Variants in AKT3 observed in about 807,000 individuals in gnomAD.
The protein encoded by AKT3 is AKT serine/threonine kinase 3.
Under a neutral mutation model 65.3 loss-of-function variants are expected in AKT3, and 15 were observed. That is an observed-to-expected ratio of 0.23 (90% CI 0.15 to 0.35). AKT3 has a LOEUF of 0.35. AKT3 is among the 10% of genes least tolerant of loss of function. The pLI is 1.00. For missense variants in AKT3, 243 were observed against 576.5 expected (o/e 0.42, Z 5.92); for synonymous variants, 206 against 183.8 (o/e 1.12, Z -0.98).
At chr1:243,618,885 AGAG>A (rs34386150) in intron 6 of AKT3, among the ~76,000 whole-genome samples, 79,337 of 151,492 alleles carry the variant, frequency 0.52, 23,966 homozygotes, top group Non-Finnish European at 0.68. Flanking sequence ...AGGGCAAACA[AGAG>A]GAGAAAAAGA....
intron 2 of AKT3, among the ~76,000 whole-genome samples, chr1:243,750,053 T>C (rs1477209567): frequency 1.3e-5 from 2 of 152,234 alleles, no homozygotes; most frequent in Non-Finnish European, 2.9e-5. Flanking sequence ...AAATGCAATA[T>C]GGCCTCATAT....
chr1:243,489,205 G>A, intron 13 of AKT3: 2 of 1,581,922 alleles, frequency 1.3e-6, no homozygotes, highest in Non-Finnish European at 1.7e-6. Context: ...GATCTTTTAT[G>A]CACCTCAACA....
intron 6 of AKT3, among the ~76,000 whole-genome samples, chr1:243,633,290 TAGAC>T (rs1279173173): frequency 2.0e-5 from 3 of 152,152 alleles, no homozygotes; most frequent in African/African-American, 7.2e-5. Context: ...ATAAGGACAT[TAGAC>T]AGTCACTTAA....
chr1:243,651,569 T>G (rs565048739), intron 4 of AKT3, among the ~76,000 whole-genome samples: 6 of 152,318 alleles, frequency 3.9e-5, no homozygotes, highest in Admixed American at 3.3e-4. Flanking sequence ...ATACATTCCA[T>G]CGATACTTAG....
intron 4 of AKT3, among the ~76,000 whole-genome samples, chr1:243,661,594 T>C (rs1340432805): frequency 2.0e-5 from 3 of 151,474 alleles, no homozygotes; most frequent in African/African-American, 7.3e-5. Context: ...CCTAAAACCA[T>C]AAAAACCCTA....
Position 243,693,929 on chromosome 1 carries a change from G to A in AKT3, c.172+1662C>T, listed in dbSNP as rs74153938. On this transcript the variant is annotated intron_variant, in intron 3 of 13. Coordinates refer to ENST00000673466, the MANE Select transcript of AKT3 (RefSeq NM_005465.7). ...TGATTATACAAGATTACAGATGTCA[G>A]ATAGTATTTATTTCATGGATAAATA... 7.2e-3 allele frequency among the ~76,000 whole-genome samples: 1,093 copies of A among 152,256 alleles called. 11 individuals are homozygous for A. Among genetic ancestry groups the A allele is most frequent in the African/African-American group, 0.025 (1,038 of 41,552 alleles).
intron 4 of AKT3, among the ~76,000 whole-genome samples, chr1:243,649,372 G>C (rs1346931543): frequency 6.6e-6 from 1 of 150,498 alleles, no homozygotes; most frequent in Non-Finnish European, 1.5e-5. Context: ...TTGGGTGTGT[G>C]TGTGTGTATA....
chr1:243,723,707 G>C (rs975347874), intron 2 of AKT3, among the ~76,000 whole-genome samples: 1 of 152,104 alleles, frequency 6.6e-6, no homozygotes, highest in South Asian at 2.1e-4. Flanking sequence ...GGGAGGGCTT[G>C]AGGACATCAT....
intron 8 of AKT3, among the ~76,000 whole-genome samples, chr1:243,608,316 T>A (rs973848679): frequency 2.6e-5 from 4 of 152,208 alleles, no homozygotes; most frequent in African/African-American, 9.6e-5. Flanking sequence ...ATCAAGAGCA[T>A]GCTAAACCCC....
intron 4 of AKT3, among the ~76,000 whole-genome samples, chr1:243,663,806 G>T (rs555113063): frequency 6.6e-6 from 1 of 152,160 alleles, no homozygotes; most frequent in African/African-American, 2.4e-5. Context: ...AACATGTGCA[G>T]GATGGTGGTT....
At position 243,500,092 on chromosome 1, in the gene AKT3, CTTGAG is replaced by C; in HGVS notation, c.*5152_*5156del. 2.5e-6 allele frequency: 1 copy of C among 407,974 alleles called. No individual in the cohort carries two copies. Among genetic ancestry groups the C allele is most frequent in the Admixed American group, 4.0e-5 (1 of 25,026 alleles). The allele number at this position is 407,974 out of a possible 1,614,324, so 25.3% of individuals were successfully genotyped here. On this transcript the variant is annotated 3_prime_UTR_variant, in exon 14 of 14. Coordinates refer to ENST00000673466, the MANE Select transcript of AKT3 (RefSeq NM_005465.7). ...TTTCAATAAATGAACTTTTTAAAGA[CTTGAG>C]TTGTAATGTTTCCTTTTTATCTTGT...
intron 11 of AKT3, among the ~76,000 whole-genome samples, chr1:243,552,482 A>G (rs1007697075): frequency 2.6e-5 from 4 of 152,028 alleles, no homozygotes; most frequent in African/African-American, 9.7e-5. Flanking sequence ...TTCACTCATA[A>G]TATGGATAAT....
At chr1:243,661,937 C>CA (rs1682377536) in intron 4 of AKT3, among the ~76,000 whole-genome samples, 2 of 147,042 alleles carry the variant, frequency 1.4e-5, no homozygotes, top group South Asian at 2.3e-4. Context: ...TTTATGCAGC[C>CA]AAAAAACACA....
chr1:243,515,800 C>T (rs1008253098), intron 12 of AKT3, among the ~76,000 whole-genome samples: 5 of 152,066 alleles, frequency 3.3e-5, no homozygotes, highest in African/African-American at 1.2e-4. Context: ...ACCATCCTGG[C>T]TAACATGGGA....
intron 2 of AKT3, among the ~76,000 whole-genome samples, chr1:243,805,094 A>C (rs1284084348): frequency 6.6e-6 from 1 of 152,202 alleles, no homozygotes; most frequent in Non-Finnish European, 1.5e-5. Flanking sequence ...CTCCCGGGAT[A>C]CATAAATAGA....
At chr1:243,691,094 GA>G (rs1684660549) in intron 3 of AKT3, among the ~76,000 whole-genome samples, 2 of 152,138 alleles carry the variant, frequency 1.3e-5, no homozygotes, top group Non-Finnish European at 2.9e-5. Context: ...ATTTAGCAAG[GA>G]ATAGGGATGG....
chr1:243,541,187 T>C (rs889249103), intron 12 of AKT3, among the ~76,000 whole-genome samples: 2 of 152,208 alleles, frequency 1.3e-5, no homozygotes, highest in African/African-American at 2.4e-5. Flanking sequence ...GGAGTTCTAA[T>C]GGTGATTTGA....
intron 3 of AKT3, among the ~76,000 whole-genome samples, chr1:243,688,668 C>G (rs1422257745): frequency 6.6e-6 from 1 of 152,082 alleles, no homozygotes; most frequent in Non-Finnish European, 1.5e-5. Context: ...TGACTCGCAG[C>G]CTGTTTGTTT....
At chr1:243,812,763 A>T (rs562199976) in intron 2 of AKT3, among the ~76,000 whole-genome samples, 1 of 152,268 alleles carries the variant, frequency 6.6e-6, no homozygotes, top group South Asian at 2.1e-4. Flanking sequence ...AAGACCTGGA[A>T]CCAACCCAAA....
Sources: allele counts gnomAD v4.1 joint callset (sites outside exome capture counted in the v4.1 genomes callset), GRCh38; gene constraint gnomAD v4.1.1; transcripts MANE v1.5; gene names NCBI Gene and HGNC (gene_info 2026-07-23, HGNC 2026-07-21).